The following FRMPD4 variants were observed in gnomAD, a reference collection of about 807,000 sequenced individuals.
FRMPD4 encodes FERM and PDZ domain-containing protein 4.
In FRMPD4, 22 loss-of-function variants were observed where a neutral mutation model predicts 94.1. The ratio of observed to expected loss-of-function variants is 0.23; its 90% CI spans 0.17 to 0.33. The LOEUF is 0.33. FRMPD4 is among the 10% of genes least tolerant of loss of function. The probability of loss-of-function intolerance (pLI) is 1.00; values close to 1 mark genes in which losing one functional copy is unlikely to be tolerated. For missense variants in FRMPD4, 1,111 were observed against 1,339.9 expected (o/e 0.83, Z 2.67); for synonymous variants, 631 against 548.6 (o/e 1.15, Z -2.10).
At chrX:12,332,002 ATATTTATATACTATATATAAATTATATAT>A (rs2055419591) in intron 1 of FRMPD4, among the ~76,000 whole-genome samples, 1 of 60,719 alleles carries the variant, frequency 1.6e-5, no homozygotes, top group African/African-American at 7.7e-5. Context: ...TAAATTATAT[ATATTTATATACTATATATAAATTATATAT>A]ATTTATATAC....
chrX:12,024,893 A>T (rs1318262926), intron 3 of FRMPD4, among the ~76,000 whole-genome samples: 2 of 111,704 alleles, frequency 1.8e-5, no homozygotes, highest in African/African-American at 3.3e-5. Context: ...ACAGTAGTCC[A>T]TTGTATGAAT....
chrX:12,523,898 T>C (rs1027347826), intron 2 of FRMPD4, among the ~76,000 whole-genome samples: 10 of 110,413 alleles, frequency 9.1e-5, no homozygotes, highest in Admixed American at 7.7e-4. Flanking sequence ...CTCATGCCTG[T>C]AATCTCAGCA....
chrX:12,194,813 C>T (rs751426355), intron 1 of FRMPD4, among the ~76,000 whole-genome samples: 22 of 111,593 alleles, frequency 2.0e-4, no homozygotes, highest in Non-Finnish European at 4.1e-4. Context: ...TGATAGCAAG[C>T]CCTGCATTTA....
intron 2 of FRMPD4, among the ~76,000 whole-genome samples, chrX:12,543,788 G>C (rs977265246): frequency 1.8e-5 from 2 of 109,223 alleles, no homozygotes; most frequent in Non-Finnish European, 3.8e-5. Flanking sequence ...ACATGCACAC[G>C]TATGTTTATT....
At chrX:11,902,237 G>T (rs1170076357) in intron 3 of FRMPD4, among the ~76,000 whole-genome samples, 1 of 112,511 alleles carries the variant, frequency 8.9e-6, no homozygotes, top group African/African-American at 3.2e-5. Context: ...GTCTTTGTCA[G>T]CTTGGCTGCT....
At chrX:12,450,883 AGAG>A (rs1308227091) in intron 1 of FRMPD4, among the ~76,000 whole-genome samples, 3 of 102,725 alleles carry the variant, frequency 2.9e-5, no homozygotes, top group Non-Finnish European at 3.9e-5. Context: ...AAAAAAAAAA[AGAG>A]AGAGAGAAAC....
intron 1 of FRMPD4, among the ~76,000 whole-genome samples, chrX:12,309,651 A>G (rs1396934854): frequency 8.9e-6 from 1 of 112,376 alleles, no homozygotes; most frequent in Non-Finnish European, 1.9e-5. Flanking sequence ...TCATAGGTGC[A>G]CAGTAAATGT....
At chrX:12,389,552 G>C (rs777927727) in intron 1 of FRMPD4, among the ~76,000 whole-genome samples, 1 of 110,513 alleles carries the variant, frequency 9.0e-6, no homozygotes, top group Admixed American at 9.6e-5. Context: ...AAATATTTAA[G>C]GTAATGGATA....
intron 1 of FRMPD4, among the ~76,000 whole-genome samples, chrX:12,403,286 C>G (rs1304184062): frequency 9.0e-6 from 1 of 111,485 alleles, no homozygotes; most frequent in Non-Finnish European, 1.9e-5. Flanking sequence ...CCACTTTTGG[C>G]ACATGGTCTT....
At chrX:12,194,507 G>T (rs2092606193) in intron 1 of FRMPD4, among the ~76,000 whole-genome samples, 1 of 111,021 alleles carries the variant, frequency 9.0e-6, no homozygotes, top group South Asian at 3.8e-4. Flanking sequence ...TTGGGGTGCT[G>T]CCCCGTTATG....
At chrX:12,262,961 C>T (rs754150534) in intron 1 of FRMPD4, among the ~76,000 whole-genome samples, 1 of 111,488 alleles carries the variant, frequency 9.0e-6, no homozygotes, top group Non-Finnish European at 1.9e-5. Flanking sequence ...GAAGGGGCCT[C>T]GTGAGGTTAA....
At chrX:12,487,766 A>G (rs936398608) in intron 1 of FRMPD4, among the ~76,000 whole-genome samples, 13 of 111,919 alleles carry the variant, frequency 1.2e-4, no homozygotes, top group Non-Finnish European at 2.1e-4. Flanking sequence ...TGTTCCTTCT[A>G]TATTAATAGC....
intron 1 of FRMPD4, among the ~76,000 whole-genome samples, chrX:12,243,894 C>G (rs1451859196): frequency 1.2e-4 from 12 of 96,221 alleles, no homozygotes; most frequent in Non-Finnish European, 2.4e-4. Context: ...CTCCTGGGCT[C>G]AAGCGATTCT....
chrX:12,170,745 C>T (rs1457618338), intron 1 of FRMPD4, among the ~76,000 whole-genome samples: 2 of 112,365 alleles, frequency 1.8e-5, no homozygotes, highest in African/African-American at 6.5e-5. Context: ...GCTCTGGGGC[C>T]TGAGTAAAGC....
intron 1 of FRMPD4, among the ~76,000 whole-genome samples, chrX:12,310,440 G>T (rs1249459842): frequency 8.9e-6 from 1 of 111,796 alleles, no homozygotes; most frequent in Admixed American, 9.4e-5. Flanking sequence ...AAGTCAAGGG[G>T]ATGCGATGGC....
intron 3 of FRMPD4, among the ~76,000 whole-genome samples, chrX:12,611,338 G>A (rs1030500695): frequency 4.5e-5 from 5 of 112,010 alleles, no homozygotes; most frequent in African/African-American, 1.6e-4. Context: ...ACTACACTTA[G>A]GAGCACAGAC....
intron 3 of FRMPD4, among the ~76,000 whole-genome samples, chrX:11,983,669 G>C (rs1011048916): frequency 2.7e-5 from 3 of 111,752 alleles, no homozygotes; most frequent in Admixed American, 9.5e-5. Context: ...TGGATTGTAA[G>C]TTCCGTGAAA....
At chrX:12,490,303 C>A (rs915411576) in intron 1 of FRMPD4, among the ~76,000 whole-genome samples, 3 of 110,623 alleles carry the variant, frequency 2.7e-5, no homozygotes, top group African/African-American at 9.9e-5. Context: ...TTAAAGGTCC[C>A]ATCACCTCCC....
intron 16 of FRMPD4, 30 bp downstream of exon 16, chrX:12,718,820 A>G (rs1380645070): frequency 1.1e-5 from 10 of 904,476 alleles, no homozygotes; most frequent in East Asian, 3.1e-5. Context: ...AGCACTTTGT[A>G]TGACATGCCA....
Sources: allele counts gnomAD v4.1 joint callset (sites outside exome capture counted in the v4.1 genomes callset), GRCh38; gene constraint gnomAD v4.1.1; transcripts MANE v1.5; gene names NCBI Gene and HGNC (gene_info 2026-07-23, HGNC 2026-07-21).